RNFT1: variants seen among roughly 807,000 people sequenced by gnomAD.
RNFT1 encodes ring finger protein, transmembrane 1.
A neutral mutation model predicts 53.2 loss-of-function variants in RNFT1; 35 were observed. The observed-to-expected ratio is 0.66, with a 90% CI of 0.50 to 0.87. The LOEUF (loss-of-function observed/expected upper bound fraction) is 0.87. Ranked by LOEUF, RNFT1 falls within the 40% of genes least tolerant of loss-of-function variation. RNFT1 has a pLI of 0.00. For missense variants in RNFT1, 421 were observed against 515.0 expected, an observed-to-expected ratio of 0.82 and a Z score of 1.77; for synonymous variants, 141 against 172.8, an observed-to-expected ratio of 0.82 and a Z score of 1.44.
At chr17:59,953,441 TCCAC>T (rs2045234281) in intron 8 of RNFT1, among the ~76,000 whole-genome samples, 1 of 152,146 alleles carries the variant, frequency 6.6e-6, no homozygotes, top group African/African-American at 2.4e-5. Flanking sequence ...CCTCAGGTGA[TCCAC>T]CCACCTCAGC....
In RNFT1 at chr17:59,952,804, A is replaced by T; in HGVS notation, c.*173T>A. On this transcript the variant is annotated 3_prime_UTR_variant, in exon 9 of 9. Coordinates refer to ENST00000305783, the MANE Select transcript of RNFT1 (RefSeq NM_016125.4). ...TTAGGTTGAACATTATATATATTTTAAAACACAGGGTGGTTTCATTTAATC... is the reference window on the plus strand; with the variant it reads ...TTAGGTTGAACATTATATATATTTTTAAACACAGGGTGGTTTCATTTAATC... 1 of 537,286 alleles carries T rather than the reference A, an allele frequency of 1.9e-6. No individual in the cohort carries two copies. The highest frequency in any genetic ancestry group is 3.2e-6 in the Non-Finnish European group (1 of 310,542). 33.3% of individuals were successfully genotyped at this position (537,286 alleles called of 1,614,324 possible). A position where few individuals can be genotyped will look rare whatever the true frequency, so the allele number is the denominator to read the frequency against.
At chr17:59,953,188 T>C (rs1274672186) in intron 8 of RNFT1, 77 bp from the exon 9 acceptor site, 1 of 1,139,070 alleles carries the variant, frequency 8.8e-7, no homozygotes, top group Admixed American at 2.9e-5. Flanking sequence ...ATGAAAGGGA[T>C]TCTTTTTTTT....
intron 1 of RNFT1, among the ~76,000 whole-genome samples, chr17:59,964,381 G>C (rs1257995560): frequency 6.6e-6 from 1 of 152,134 alleles, no homozygotes; most frequent in Non-Finnish European, 1.5e-5. Flanking sequence ...TTGGACAGCA[G>C]GCTTTCAGTG....
At chr17:59,963,668 C>G (rs1598867532) in intron 1 of RNFT1, among the ~76,000 whole-genome samples, 2 of 152,026 alleles carry the variant, frequency 1.3e-5, no homozygotes, top group South Asian at 2.1e-4. Flanking sequence ...GATGTAGATT[C>G]TACATCAAAG....
intron 1 of RNFT1, among the ~76,000 whole-genome samples, chr17:59,964,236 T>A (rs1039824445): frequency 5.3e-5 from 8 of 152,186 alleles, no homozygotes; most frequent in African/African-American, 1.9e-4. Flanking sequence ...TTCTGTGTCA[T>A]TCTATTTCAC....
chr17:59,956,381 A>C, intron 7 of RNFT1, 107 bp downstream of exon 7: 1 of 714,902 alleles, frequency 1.4e-6, no homozygotes, highest in Non-Finnish European at 2.4e-6. Flanking sequence ...GTAAAAGAAA[A>C]GGATCATCTA....
At chr17:59,957,492 A>G (rs1193265623) in intron 5 of RNFT1, 110 bp from the exon 6 acceptor site, 2 of 709,448 alleles carry the variant, frequency 2.8e-6, no homozygotes, top group East Asian at 3.2e-5. Context: ...ATAAATAACT[A>G]TAAAATTAAT....
In RNFT1 at chr17:59,964,710, C is replaced by A. The variant is rs1275274241; in HGVS notation, c.-47G>T. ...TCGGGGCCATCAACCGCAAACCCCG[C>A]AAGCTCTTCTCTCAGCCCGGCGGCA... On this transcript the variant is annotated 5_prime_UTR_variant, in exon 1 of 9. Transcript: ENST00000305783. The A allele has an allele frequency of 1.3e-6, 2 of 1,555,062 alleles. No individual in the cohort carries two copies. The highest frequency in any genetic ancestry group is 1.7e-6 in the Non-Finnish European group (2 of 1,149,010).
In RNFT1 at chr17:59,954,087, T is replaced by A. The variant is rs754161388; in HGVS notation, c.1131A>T (p.Ile377=). The A allele has an allele frequency of 9.4e-6, 15 of 1,600,580 alleles. No homozygotes were observed. Among genetic ancestry groups the A allele is most frequent in the Non-Finnish European group, 1.3e-5 (15 of 1,176,052 alleles). ...TTGGCTTCTGAAATTCAGCTTGACA[T>A]ATTGAACAAATATCATCCACATCTG... is the stretch of plus-strand genomic sequence containing the variant. ...QCSDVDDICS[I]CQAEFQKPIL... Residue 377 remains isoleucine (I), a synonymous_variant, in exon 8 of 9, where the codon ATA becomes ATT. Transcript: ENST00000305783.
chr17:59,953,201 T>A, intron 8 of RNFT1, 90 bp from the exon 9 acceptor site: 1 of 1,128,166 alleles, frequency 8.9e-7, no homozygotes. Context: ...TTTTTTTTTT[T>A]TTTTTGAGAT....
intron 1 of RNFT1, 123 bp from the exon 2 acceptor site, chr17:59,963,407 G>A: frequency 2.5e-6 from 2 of 809,156 alleles, no homozygotes; most frequent in Non-Finnish European, 3.8e-6. Context: ...TGAATTTTCA[G>A]GTTATTTATC....
intron 2 of RNFT1, 59 bp from the exon 3 acceptor site, chr17:59,962,675 A>T: frequency 7.1e-7 from 1 of 1,401,656 alleles, no homozygotes; most frequent in South Asian, 1.3e-5. Context: ...GGATTATATA[A>T]GCTAACAATG....
At position 59,963,061 on chromosome 17, in the gene RNFT1, C is replaced by T; in HGVS notation, c.280G>A (p.Ala94Thr). The T allele has an allele frequency of 1.2e-6, 2 of 1,614,200 alleles. No individual in the cohort carries two copies. Among genetic ancestry groups the T allele is most frequent in the Non-Finnish European group, 1.7e-6 (2 of 1,180,030 alleles). The change falls in exon 2 of 9, where the codon GCA becomes ACA. Residue 94 changes from alanine (A) to threonine (T), a missense_variant. Physicochemically the swap from Ala to Thr is moderately conservative, Grantham distance 58. Coordinates refer to ENST00000305783, the MANE Select transcript of RNFT1 (RefSeq NM_016125.4). ...NSIPKECAEN[A>T]SSRNIRSGVH... Reference sequence around the variant, plus strand: ...CCTGACCTTATATTTCTGGAGCTTGCATTTTCTGCACATTCTTTAGGTATG... The same window carrying T: ...CCTGACCTTATATTTCTGGAGCTTGTATTTTCTGCACATTCTTTAGGTATG...
At chr17:59,959,464 G>C (rs1387495436) in intron 4 of RNFT1, 4 of 152,240 alleles carry the variant, frequency 2.6e-5, no homozygotes. Flanking sequence ...TTTAGTAAGT[G>C]TTCTTACTTT....
intron 4 of RNFT1, 115 bp downstream of exon 4, chr17:59,959,953 A>G: frequency 9.4e-7 from 1 of 1,060,868 alleles, no homozygotes; most frequent in Non-Finnish European, 1.3e-6. Flanking sequence ...GAAAGGAGAA[A>G]GTTAAAAACT....
rs1194709323 is a variant in RNFT1 at position 59,961,949 on chromosome 17, G to A, written c.591+591C>T. On this transcript the variant is annotated intron_variant, in intron 3 of 8. Transcript: ENST00000305783. ...AGCCCACGCTGGAGTGCAGTGGTGC[G>A]ATCTCAGCTCACTGCAACCTCCACC... Among the ~76,000 whole-genome samples the A allele has an allele frequency of 5.2e-5, 7 of 134,982 alleles. No individual in the cohort carries two copies. The East Asian group carries it at 6.8e-4, about 13-fold the overall frequency. 88.6% of individuals were successfully genotyped at this position (134,982 alleles called of 152,430 possible).
At chr17:59,959,919 A>G (rs2045277636) in intron 4 of RNFT1, 149 bp downstream of exon 4, 2 of 780,954 alleles carry the variant, frequency 2.6e-6, no homozygotes, top group South Asian at 3.2e-5. Context: ...CAAAAAGAAA[A>G]AAAAAAAAAA....
intron 4 of RNFT1, 180 bp from the exon 5 acceptor site, chr17:59,958,624 C>A: frequency 1.5e-6 from 1 of 672,310 alleles, no homozygotes. Context: ...CTTTTTAAAC[C>A]TGTTTGGATT....
intron 1 of RNFT1, 79 bp downstream of exon 1, chr17:59,964,529 G>T: frequency 1.5e-6 from 2 of 1,357,082 alleles, no homozygotes; most frequent in Non-Finnish European, 1.0e-6. Context: ...TCCGAGCCTC[G>T]AGTGCCTATT....
Sources: gnomAD v4.1 joint callset for allele counts (sites outside exome capture counted in the v4.1 genomes callset) on GRCh38, gnomAD v4.1.1 for gene constraint, MANE v1.5 for transcripts, NCBI Gene and HGNC (gene_info 2026-07-23, HGNC 2026-07-21) for gene names.